ADGRG6: variants seen among roughly 807,000 people sequenced by gnomAD.
ADGRG6 encodes G-protein coupled receptor 126.
A neutral mutation model predicts 142.4 loss-of-function variants in ADGRG6; 84 were observed. The ratio of observed to expected loss-of-function variants is 0.59; its 90% CI spans 0.49 to 0.71. The LOEUF is 0.71. ADGRG6 is among the 30% of genes least tolerant of loss of function. The probability of loss-of-function intolerance (pLI) is 0.00; values close to 1 mark genes in which losing one functional copy is unlikely to be tolerated. For missense variants in ADGRG6, 1,367 were observed against 1,466.6 expected, an observed-to-expected ratio of 0.93 and a Z score of 1.11; for synonymous variants, 521 against 520.5, an observed-to-expected ratio of 1.00 and a Z score of -0.01.
At position 142,416,018 on chromosome 6, in the gene ADGRG6, C is replaced by T; in HGVS notation, c.2892C>T (p.Asn964=). 6.2e-7 allele frequency: 1 copy of T among 1,612,228 alleles called. No homozygotes were observed. Among genetic ancestry groups the T allele is most frequent in the Non-Finnish European group, 8.5e-7 (1 of 1,178,494 alleles). ...HMYIALVKVF[N]TYIRRYILKF... ...ACATTGCTCTAGTTAAAGTATTTAACACTTACATTCGCCGATACATTCTAA... is the reference window on the plus strand; with the variant it reads ...ACATTGCTCTAGTTAAAGTATTTAATACTTACATTCGCCGATACATTCTAA... Residue 964 remains asparagine, a synonymous_variant, in exon 20 of 25, where the codon AAC becomes AAT. Coordinates refer to ENST00000367609, the MANE Select transcript of ADGRG6 (RefSeq NM_198569.3).
intron 1 of ADGRG6, among the ~76,000 whole-genome samples, chr6:142,304,660 A>G (rs897541653): frequency 1.3e-5 from 2 of 152,228 alleles, no homozygotes; most frequent in African/African-American, 4.8e-5. Context: ...CTAATGGCCT[A>G]TATATCTTAC....
At chr6:142,354,510 G>A (rs1272060140) in intron 2 of ADGRG6, among the ~76,000 whole-genome samples, 1 of 152,020 alleles carries the variant, frequency 6.6e-6, no homozygotes, top group Admixed American at 6.6e-5. Flanking sequence ...TTGTGTTTTG[G>A]CCAGGAGTTT....
At chr6:142,331,498 C>T (rs1779062070) in intron 2 of ADGRG6, among the ~76,000 whole-genome samples, 1 of 152,074 alleles carries the variant, frequency 6.6e-6, no homozygotes, top group Admixed American at 6.5e-5. Flanking sequence ...GCAGTGGGAA[C>T]CCAGCAATGA....
At chr6:142,430,578 G>C (rs1171651331) in intron 22 of ADGRG6, among the ~76,000 whole-genome samples, 1 of 152,066 alleles carries the variant, frequency 6.6e-6, no homozygotes, top group Non-Finnish European at 1.5e-5. Flanking sequence ...GTTCTATGTG[G>C]GAGCCAAATT....
chr6:142,368,361 TAATA>T (rs1161080428), intron 3 of ADGRG6, among the ~76,000 whole-genome samples: 1 of 152,172 alleles, frequency 6.6e-6, no homozygotes, highest in Non-Finnish European at 1.5e-5. Context: ...CAGTTTAAGC[TAATA>T]AATAACACAG....
At chr6:142,349,208 A>T (rs1780044409) in intron 2 of ADGRG6, among the ~76,000 whole-genome samples, 1 of 152,230 alleles carries the variant, frequency 6.6e-6, no homozygotes, top group South Asian at 2.1e-4. Flanking sequence ...AAATAACCAG[A>T]TGTTGCAGAT....
chr6:142,324,645 T>A (rs549485395), intron 2 of ADGRG6, among the ~76,000 whole-genome samples: 12 of 152,256 alleles, frequency 7.9e-5, no homozygotes, highest in Admixed American at 6.5e-4. Flanking sequence ...GGTGACCACC[T>A]GTTGGATAGT....
intron 22 of ADGRG6, among the ~76,000 whole-genome samples, chr6:142,423,312 A>G (rs1234717882): frequency 9.5e-5 from 14 of 147,578 alleles, no homozygotes; most frequent in Non-Finnish European, 2.1e-4. Context: ...TAACGTTTAA[A>G]TCTTTAATCC....
intron 6 of ADGRG6, 46 bp downstream of exon 6, chr6:142,383,889 A>C: frequency 1.1e-6 from 1 of 945,356 alleles, no homozygotes; most frequent in South Asian, 1.4e-5. Flanking sequence ...CTAACATAAA[A>C]AATTGTATTC....
At chr6:142,306,693 G>T (rs1166992838) in intron 1 of ADGRG6, among the ~76,000 whole-genome samples, 3 of 151,772 alleles carry the variant, frequency 2.0e-5, no homozygotes, top group Admixed American at 6.6e-5. Context: ...GTGTGTGTGT[G>T]TTTTTTTTCC....
At chr6:142,401,310 G>C (rs1775511842) in intron 11 of ADGRG6, among the ~76,000 whole-genome samples, 1 of 152,150 alleles carries the variant, frequency 6.6e-6, no homozygotes, top group Non-Finnish European at 1.5e-5. Flanking sequence ...TGAGAACTTG[G>C]AAAATTCGTT....
rs142468894 is a variant in ADGRG6 at position 142,379,635 on chromosome 6, C to T, written c.1070-2316C>T. On this transcript the variant is annotated intron_variant, in intron 4 of 24. Coordinates refer to ENST00000367609, the MANE Select transcript of ADGRG6 (RefSeq NM_198569.3). ...ACAAAAAATTAGCCTGGCGTGGTGA[C>T]GGGCGCCTGTAGTCCCAGCTACTCG... Among the ~76,000 whole-genome samples, 1,232 of 152,110 alleles carry T rather than the reference C, an allele frequency of 8.1e-3. 6 individuals are homozygous for T. The highest frequency in any genetic ancestry group is 0.014 in the Non-Finnish European group (933 of 67,978).
intron 18 of ADGRG6, among the ~76,000 whole-genome samples, chr6:142,413,029 T>TTATATATATATATATA (rs139522751): frequency 6.0e-5 from 9 of 150,100 alleles, no homozygotes; most frequent in Non-Finnish European, 1.2e-4. Flanking sequence ...GAATGGTTAA[T>TTATATATATATATATA]TATATATATA....
rs774293168 is a variant in ADGRG6, at chr6:142,415,088, T to G, written c.2661T>G (p.Val887=). ...IFSAATLLTY[V]AFEKLRRDYP... ...CAGCAGCAACTCTCCTGACATATGTTGCTTTTGAGTAAGTATATTTTTAAT... is the reference window on the plus strand; with the variant it reads ...CAGCAGCAACTCTCCTGACATATGTGGCTTTTGAGTAAGTATATTTTTAAT... The change falls in exon 19 of 25, where the codon GTT becomes GTG. Residue 887 remains valine, a synonymous_variant. Transcript: ENST00000367609. 1.3e-5 allele frequency: 21 copies of G among 1,609,516 alleles called. No individual in the cohort carries two copies. The highest frequency in any genetic ancestry group is 1.7e-5 in the Non-Finnish European group (20 of 1,177,994).
chr6:142,414,050 A>G (rs1487308295), intron 18 of ADGRG6, among the ~76,000 whole-genome samples: 1 of 152,086 alleles, frequency 6.6e-6, no homozygotes, highest in Admixed American at 6.6e-5. Flanking sequence ...TTAAAACCTA[A>G]AAGTTTACGC....
chr6:142,328,017 AC>A (rs1011777471), intron 2 of ADGRG6, among the ~76,000 whole-genome samples: 13 of 152,120 alleles, frequency 8.5e-5, no homozygotes, highest in African/African-American at 3.1e-4. Flanking sequence ...AGATAAGGAG[AC>A]CAAAGTTAGG....
rs1777890673 is a variant in ADGRG6 at position 142,444,425 on chromosome 6, ACT to A, written c.*915_*916del. 1 of 151,974 alleles carries A rather than the reference ACT, an allele frequency of 6.6e-6. No homozygotes were observed. Among genetic ancestry groups the A allele is most frequent in the African/African-American group, 2.4e-5 (1 of 41,352 alleles). The allele number at this position is 151,974 out of a possible 1,614,324, so 9.4% of individuals were successfully genotyped here. A position where few individuals can be genotyped will look rare whatever the true frequency, so the allele number is the denominator to read the frequency against. Reference sequence around the variant, plus strand: ...TCCTTTTAGGAGACACACAATTAAGACTCTCTGGTTCTGTCCTTGCTTTGGAG... The same window carrying A: ...TCCTTTTAGGAGACACACAATTAAGACTCTGGTTCTGTCCTTGCTTTGGAG... On this transcript the variant is annotated 3_prime_UTR_variant, in exon 25 of 25. Transcript: ENST00000367609.
chr6:142,311,811 A>G (rs530567881), intron 2 of ADGRG6, among the ~76,000 whole-genome samples: 1 of 151,998 alleles, frequency 6.6e-6, no homozygotes, highest in East Asian at 1.9e-4. Context: ...TGGATTTATA[A>G]TAGGCCTTAA....
intron 2 of ADGRG6, among the ~76,000 whole-genome samples, chr6:142,331,397 T>C (rs1779056965): frequency 6.6e-6 from 1 of 152,166 alleles, no homozygotes; most frequent in South Asian, 2.1e-4. Context: ...GTGTGAGGCT[T>C]TCTGTGATCT....
Sources: allele counts gnomAD v4.1 joint callset (sites outside exome capture counted in the v4.1 genomes callset), GRCh38; gene constraint gnomAD v4.1.1; transcripts MANE v1.5; gene names NCBI Gene and HGNC (gene_info 2026-07-23, HGNC 2026-07-21).